Variants in RPGRIP1 observed in about 807,000 individuals in gnomAD.
RPGRIP1 encodes the protein RPGR interacting protein 1, also known as X-linked retinitis pigmentosa GTPase regulator-interacting protein 1.
A neutral mutation model predicts 157.9 loss-of-function variants in RPGRIP1; 128 were observed. The observed-to-expected ratio is 0.81, with a 90% CI of 0.70 to 0.94. RPGRIP1 has a LOEUF of 0.94. Ranked by LOEUF, RPGRIP1 falls within the 40% of genes least tolerant of loss-of-function variation. The probability of loss-of-function intolerance (pLI) is 0.00; values close to 1 mark genes in which losing one functional copy is unlikely to be tolerated. For missense variants in RPGRIP1, 1,486 were observed against 1,545.8 expected, an observed-to-expected ratio of 0.96 and a Z score of 0.65; for synonymous variants, 554 against 571.6, an observed-to-expected ratio of 0.97 and a Z score of 0.44.
intron 1 of RPGRIP1, among the ~76,000 whole-genome samples, chr14:21,285,972 A>G (rs1880283424): frequency 6.6e-6 from 1 of 151,860 alleles, no homozygotes; most frequent in Non-Finnish European, 1.5e-5. Flanking sequence ...TGGCGGAGAC[A>G]GGCTAATATA....
chr14:21,330,101 G>A, intron 19 of RPGRIP1, 148 bp from the exon 20 acceptor site: 1 of 387,100 alleles, frequency 2.6e-6, no homozygotes, highest in East Asian at 5.2e-5. Context: ...CTGAGTGACA[G>A]AGGGAGACTC....
At chr14:21,346,954 GACT>G (rs1197316985) in intron 23 of RPGRIP1, among the ~76,000 whole-genome samples, 1 of 152,248 alleles carries the variant, frequency 6.6e-6, no homozygotes, top group South Asian at 2.1e-4. Context: ...CAGTGACTCT[GACT>G]TCAGCATCAC....
chr14:21,280,633 A>T (rs1048663646), intron 1 of RPGRIP1, among the ~76,000 whole-genome samples: 6 of 151,356 alleles, frequency 4.0e-5, no homozygotes, highest in African/African-American at 1.5e-4. Flanking sequence ...CACCCTCTTA[A>T]CTCTATCTCA....
In RPGRIP1 at chr14:21,320,174, C is replaced by A; in HGVS notation, c.1464C>A (p.Ile488=). Residue 488 remains isoleucine (I), a synonymous_variant, in exon 12 of 25, where the codon ATC becomes ATA. Transcript: ENST00000400017. ...CTGTATTGCAAGAGAACACTCAGATCGAGGTAAGAGCCTCTTTAAACAAAC... is the reference window on the plus strand; with the variant it reads ...CTGTATTGCAAGAGAACACTCAGATAGAGGTAAGAGCCTCTTTAAACAAAC... ...HPAVLQENTQ[I]EPSEPKNQEE... 6.2e-7 allele frequency: 1 copy of A among 1,613,554 alleles called. No individual in the cohort carries two copies. The highest frequency in any genetic ancestry group is 8.5e-7 in the Non-Finnish European group (1 of 1,179,724).
At chr14:21,335,700 T>G (rs149842794) in intron 21 of RPGRIP1, among the ~76,000 whole-genome samples, 4 of 151,850 alleles carry the variant, frequency 2.6e-5, no homozygotes, top group African/African-American at 4.8e-5. Context: ...GCGTGGTGGC[T>G]GGCACCTGTA....
chr14:21,338,003 G>A (rs747143602), intron 21 of RPGRIP1, among the ~76,000 whole-genome samples: 2 of 151,916 alleles, frequency 1.3e-5, no homozygotes, highest in African/African-American at 4.8e-5. Flanking sequence ...TGCAACCTCC[G>A]CCCCCCAGGT....
At chr14:21,317,123 AAAAAAAG>A (rs1314834568) in intron 10 of RPGRIP1, among the ~76,000 whole-genome samples, 3 of 151,886 alleles carry the variant, frequency 2.0e-5, no homozygotes, top group Non-Finnish European at 2.9e-5. Flanking sequence ...CTGTCTCAAA[AAAAAAAG>A]AAAAAAGAAA....
In RPGRIP1 at chr14:21,311,804, G is replaced by A. The variant is rs1489280620; in HGVS notation, c.931-20G>A. On this transcript the variant is annotated intron_variant, in intron 8 of 24. Coordinates refer to ENST00000400017, the MANE Select transcript of RPGRIP1 (RefSeq NM_020366.4). ...CTGAGTGATATGACCATTCCCAGAG[G>A]TACTTTCCTTTTGACCCAGAATCAG... 6.3e-7 allele frequency: 1 copy of A among 1,589,852 alleles called. No homozygotes were observed. The highest frequency in any genetic ancestry group is 8.5e-7 in the Non-Finnish European group (1 of 1,170,068).
chr14:21,324,590 C>G, intron 14 of RPGRIP1, 28 bp from the exon 15 acceptor site: 1 of 1,576,392 alleles, frequency 6.3e-7, no homozygotes. Context: ...TACCCTTTAA[C>G]GGATAGGCAG....
chr14:21,320,350 C>T (rs1228651459), intron 12 of RPGRIP1, among the ~76,000 whole-genome samples, 173 bp downstream of exon 12: 5 of 151,194 alleles, frequency 3.3e-5, no homozygotes, highest in South Asian at 2.1e-4. Flanking sequence ...AGTGCAGTGG[C>T]GCGATCTCGG....
chr14:21,344,492 C>G (rs1031476921), intron 22 of RPGRIP1, among the ~76,000 whole-genome samples: 1 of 152,136 alleles, frequency 6.6e-6, no homozygotes, highest in Admixed American at 6.5e-5. Flanking sequence ...TTCTTATCTC[C>G]TGGTTATCCT....
Position 21,321,885 on chromosome 14 carries a change from A to G in RPGRIP1, c.1643A>G (p.Asp548Gly). ...EELEAMMTKADNDNRDHKEKL... is the reference protein window; with the variant it reads ...EELEAMMTKAGNDNRDHKEKL... ...CTGGAGGCAATGATGACAAAAGCTG[A>G]CAATGATAATAGAGATCACAAAGAA... Residue 548 changes from aspartate (D) to glycine (G), a missense_variant, in exon 14 of 25, where the codon GAC (aspartate) becomes GGC (glycine). Physicochemically the swap from Asp to Gly is moderately conservative, Grantham distance 94. Transcript: ENST00000400017. The G allele has an allele frequency of 6.2e-7, 1 of 1,613,494 alleles. No individual in the cohort carries two copies. Among genetic ancestry groups the G allele is most frequent in the African/African-American group, 1.3e-5 (1 of 75,030 alleles).
Position 21,287,945 on chromosome 14 carries a change from C to T in RPGRIP1, c.-32C>T. On this transcript the variant is annotated 5_prime_UTR_variant, in exon 2 of 25. Coordinates refer to ENST00000400017, the MANE Select transcript of RPGRIP1 (RefSeq NM_020366.4). ...GACTTTTCCTTTATTTCAGTGTCCTCTGGGATCTCTTACAGCTTGGGAACA... is the reference window on the plus strand; with the variant it reads ...GACTTTTCCTTTATTTCAGTGTCCTTTGGGATCTCTTACAGCTTGGGAACA... 2.0e-6 allele frequency: 3 copies of T among 1,496,564 alleles called. No individual in the cohort carries two copies. The highest frequency in any genetic ancestry group is 2.8e-6 in the Non-Finnish European group (3 of 1,076,396). 92.7% of individuals were successfully genotyped at this position (1,496,564 alleles called of 1,614,324 possible). A position where few individuals can be genotyped will look rare whatever the true frequency, so the allele number is the denominator to read the frequency against.
At chr14:21,333,563 C>T (rs952050154) in intron 20 of RPGRIP1, among the ~76,000 whole-genome samples, 1 of 151,970 alleles carries the variant, frequency 6.6e-6, no homozygotes, top group Non-Finnish European at 1.5e-5. Context: ...GCTCATTTCT[C>T]CTCTCTCAAT....
chr14:21,338,413 G>C (rs1884633682), intron 21 of RPGRIP1, among the ~76,000 whole-genome samples: 2 of 152,270 alleles, frequency 1.3e-5, no homozygotes, highest in East Asian at 3.9e-4. Context: ...CTGCCCCCCA[G>C]CCAAATTAGG....
intron 7 of RPGRIP1, among the ~76,000 whole-genome samples, chr14:21,309,656 G>C (rs558322375): frequency 6.6e-6 from 1 of 152,286 alleles, no homozygotes; most frequent in Admixed American, 6.5e-5. Flanking sequence ...GTCTGGTCAT[G>C]AAGGACACAC....
chr14:21,298,900 A>T lies in RPGRIP1; in HGVS notation c.219-2066A>T, dbSNP rs1594171195. Among the ~76,000 whole-genome samples the T allele has an allele frequency of 2.1e-5, 3 of 145,192 alleles. No individual in the cohort carries two copies. In the East Asian group the frequency reaches 6.4e-4, roughly 31 times the overall value. ...GGCTCTAGTGAGCAGAGATCGCACC[A>T]CTGTGCTCCAGCCTGAGCAACAGAG... is the stretch of plus-strand genomic sequence containing the variant. On this transcript the variant is annotated intron_variant, in intron 3 of 24. Coordinates refer to ENST00000400017, the MANE Select transcript of RPGRIP1 (RefSeq NM_020366.4).
In RPGRIP1 at chr14:21,303,891, G is replaced by A. The variant is rs373423369; in HGVS notation, c.800+348G>A. On this transcript the variant is annotated intron_variant, in intron 6 of 24. Coordinates refer to ENST00000400017, the MANE Select transcript of RPGRIP1 (RefSeq NM_020366.4). ...AAATCCCAGCTACTAGGGAGGCTGA[G>A]GCAGGAGAATCACTTGAACCTGGGA... Among the ~76,000 whole-genome samples, 55 of 152,094 alleles carry A rather than the reference G, an allele frequency of 3.6e-4. 1 individual carries two copies. Among genetic ancestry groups the A allele is most frequent in the African/African-American group, 1.2e-3 (50 of 41,474 alleles).
intron 2 of RPGRIP1, among the ~76,000 whole-genome samples, chr14:21,289,808 A>C (rs1003222225): frequency 6.6e-6 from 1 of 152,066 alleles, no homozygotes; most frequent in African/African-American, 2.4e-5. Flanking sequence ...AAAAATTTGC[A>C]GAAATTAACT....
Sources: gnomAD v4.1 joint callset for allele counts (sites outside exome capture counted in the v4.1 genomes callset) on GRCh38, gnomAD v4.1.1 for gene constraint, MANE v1.5 for transcripts, NCBI Gene and HGNC (gene_info 2026-07-23, HGNC 2026-07-21) for gene names.